Variants in HPSE2 observed in about 807,000 individuals in gnomAD.
HPSE2 encodes inactive heparanase-2.
HPSE2 carries 38 observed loss-of-function variants against 60.5 expected under a neutral mutation model. The ratio of observed to expected loss-of-function variants is 0.63; its 90% CI spans 0.48 to 0.82. HPSE2 has a LOEUF of 0.82. Ranked by LOEUF, HPSE2 falls within the 40% of genes least tolerant of loss-of-function variation. HPSE2 has a pLI of 0.00. For missense variants in HPSE2, 713 were observed against 740.4 expected (o/e 0.96, Z 0.43); for synonymous variants, 295 against 293.2 (o/e 1.01, Z -0.06).
chr10:99,109,679 T>C lies in HPSE2; in HGVS notation c.610+34559A>G, dbSNP rs147612442. On this transcript the variant is annotated intron_variant, in intron 3 of 11. Coordinates refer to ENST00000370552, the MANE Select transcript of HPSE2 (RefSeq NM_021828.5). The stretch of plus-strand genomic sequence containing the variant: ...GAATGCGCTTTGGCTACAAAATCAA[T>C]GTGGGCCCTGTGTTTCTCTTCCATT... 5.9e-3 allele frequency among the ~76,000 whole-genome samples: 894 copies of C among 152,230 alleles called. 15 individuals carry two copies. The highest frequency in any genetic ancestry group is 0.021 in the African/African-American group (854 of 41,552).
At chr10:98,952,272 G>GT (rs1239206700) in intron 3 of HPSE2, among the ~76,000 whole-genome samples, 2 of 151,634 alleles carry the variant, frequency 1.3e-5, no homozygotes, top group African/African-American at 2.4e-5. Context: ...TCAAGAAAAT[G>GT]TAAGACCATT....
intron 9 of HPSE2, among the ~76,000 whole-genome samples, chr10:98,542,834 G>A (rs1943519755): frequency 6.6e-6 from 1 of 152,214 alleles, no homozygotes; most frequent in Admixed American, 6.5e-5. Flanking sequence ...TATGTGAAAA[G>A]ACCAAATCTA....
chr10:98,916,692 C>G (rs7100093), intron 3 of HPSE2, among the ~76,000 whole-genome samples: 27,881 of 152,092 alleles, frequency 0.18, 3,734 homozygotes, highest in African/African-American at 0.37. Flanking sequence ...ACATAACAAA[C>G]TTTGTTTCTT....
chr10:98,991,296 G>A (rs552555521), intron 3 of HPSE2, among the ~76,000 whole-genome samples: 55 of 152,202 alleles, frequency 3.6e-4, no homozygotes, highest in African/African-American at 1.2e-3. Context: ...TTATTTAGAC[G>A]GCCAGGAAAA....
chr10:99,205,982 A>G (rs1019606595), intron 2 of HPSE2, among the ~76,000 whole-genome samples: 17 of 152,192 alleles, frequency 1.1e-4, no homozygotes, highest in Admixed American at 2.6e-4. Context: ...ACATCATGGG[A>G]CTCATATGAA....
At chr10:99,241,108 A>G in the HPSE2 span, among the ~76,000 whole-genome samples, 1 of 152,196 alleles carries the variant, frequency 6.6e-6, no homozygotes, top group Non-Finnish European at 1.5e-5. Flanking sequence ...CTTAGATATT[A>G]ACTTTCTCAT....
At chr10:98,859,282 T>C (rs1952395946) in intron 3 of HPSE2, among the ~76,000 whole-genome samples, 1 of 152,194 alleles carries the variant, frequency 6.6e-6, no homozygotes, top group Admixed American at 6.5e-5. Flanking sequence ...ACATATACAC[T>C]ATCTGGCCCT....
intron 2 of HPSE2, among the ~76,000 whole-genome samples, chr10:99,206,193 A>G (rs1466498203): frequency 6.6e-6 from 1 of 152,240 alleles, no homozygotes; most frequent in Non-Finnish European, 1.5e-5. Context: ...TGCAGCTACA[A>G]CAGCAGGTGC....
chr10:98,694,302 A>G lies in HPSE2; in HGVS notation c.957-355T>C, dbSNP rs140733395. 7.7e-4 allele frequency among the ~76,000 whole-genome samples: 118 copies of G among 152,320 alleles called. 1 individual carries two copies. The highest frequency in any genetic ancestry group is 2.7e-3 in the African/African-American group (113 of 41,568). On this transcript the variant is annotated intron_variant, in intron 5 of 11. Coordinates refer to ENST00000370552, the MANE Select transcript of HPSE2 (RefSeq NM_021828.5). Reference sequence around the variant, plus strand: ...CATTTCCTATTCTCTAAGGACTCCAATCTCTGCTAGGAAACAAACAGTAAT... The same window carrying G: ...CATTTCCTATTCTCTAAGGACTCCAGTCTCTGCTAGGAAACAAACAGTAAT...
chr10:98,717,890 A>G (rs1316107255), intron 5 of HPSE2, among the ~76,000 whole-genome samples: 1 of 152,050 alleles, frequency 6.6e-6, no homozygotes, highest in Non-Finnish European at 1.5e-5. Context: ...CATTTTTAAA[A>G]ATTAGGGACT....
At chr10:99,114,673 G>C (rs531808050) in intron 3 of HPSE2, among the ~76,000 whole-genome samples, 1 of 152,090 alleles carries the variant, frequency 6.6e-6, no homozygotes, top group Non-Finnish European at 1.5e-5. Flanking sequence ...CCAGCACTTT[G>C]GGGGGCTGAG....
chr10:99,055,467 C>T (rs140603095), intron 3 of HPSE2, among the ~76,000 whole-genome samples: 14 of 152,092 alleles, frequency 9.2e-5, no homozygotes, highest in African/African-American at 2.4e-4. Context: ...AAAAGCCTCA[C>T]GGATATTTGG....
the HPSE2 span, among the ~76,000 whole-genome samples, chr10:99,301,247 AC>A: frequency 1.3e-5 from 2 of 152,198 alleles, no homozygotes; most frequent in Non-Finnish European, 1.5e-5. Flanking sequence ...AATGATTTGG[AC>A]AAAGAGTTAA....
At chr10:99,213,029 A>C (rs969991427) in intron 2 of HPSE2, among the ~76,000 whole-genome samples, 1 of 152,182 alleles carries the variant, frequency 6.6e-6, no homozygotes, top group African/African-American at 2.4e-5. Context: ...TAAGGCCTGG[A>C]ATAGGACAAC....
At chr10:99,133,154 C>T (rs577783569) in intron 3 of HPSE2, among the ~76,000 whole-genome samples, 1 of 152,350 alleles carries the variant, frequency 6.6e-6, no homozygotes, top group East Asian at 1.9e-4. Flanking sequence ...GAGCCCACTG[C>T]AGCTCAGCAT....
At chr10:98,477,853 C>A (rs544514973) in intron 11 of HPSE2, among the ~76,000 whole-genome samples, 1 of 151,356 alleles carries the variant, frequency 6.6e-6, no homozygotes, top group Admixed American at 6.5e-5. Flanking sequence ...CACCTCCTGT[C>A]AGACCAGCAG....
In HPSE2 at chr10:98,932,768, G is replaced by C. The variant is rs552802486; in HGVS notation, c.611-188712C>G. 3.0e-4 allele frequency among the ~76,000 whole-genome samples: 43 copies of C among 143,624 alleles called. 2 individuals are homozygous for C. In the South Asian group the frequency reaches 8.7e-3, roughly 29 times the overall value. The allele number at this position is 143,624 out of a possible 152,430, so 94.2% of individuals were successfully genotyped here. On this transcript the variant is annotated intron_variant, in intron 3 of 11. Transcript: ENST00000370552. ...GATTTTCTAGTTTGTTTTTAAAGAG[G>C]TGTTTATAGTATTCTCTGATGGTTG... is the stretch of plus-strand genomic sequence containing the variant.
At chr10:98,611,502 T>G (rs1026789895) in intron 9 of HPSE2, among the ~76,000 whole-genome samples, 1 of 152,236 alleles carries the variant, frequency 6.6e-6, no homozygotes, top group African/African-American at 2.4e-5. Flanking sequence ...CCTAAGCGCT[T>G]AACAAACTCT....
At chr10:98,900,931 G>C (rs950604480) in intron 3 of HPSE2, among the ~76,000 whole-genome samples, 2 of 152,052 alleles carry the variant, frequency 1.3e-5, no homozygotes, top group African/African-American at 4.8e-5. Flanking sequence ...ATTAATAGTA[G>C]CTAAAAACTG....
Sources: gnomAD v4.1 joint callset for allele counts (sites outside exome capture counted in the v4.1 genomes callset) on GRCh38, gnomAD v4.1.1 for gene constraint, MANE v1.5 for transcripts, NCBI Gene and HGNC (gene_info 2026-07-23, HGNC 2026-07-21) for gene names.